ALG14: variants seen among roughly 807,000 people sequenced by gnomAD.
ALG14 encodes ALG14 UDP-N-acetylglucosaminyltransferase subunit, also known as UDP-N-acetylglucosamine transferase subunit ALG14.
ALG14 carries 17 observed loss-of-function variants against 22.8 expected under a neutral mutation model. The ratio of observed to expected loss-of-function variants is 0.75; its 90% CI spans 0.51 to 1.12. ALG14 has a LOEUF of 1.12. Among genes scored for constraint, ALG14 ranks in the 50% most tolerant of loss-of-function variants. ALG14 has a pLI of 0.00. For missense variants in ALG14, 288 were observed against 271.8 expected (o/e 1.06, Z -0.42); for synonymous variants, 89 against 103.7 (o/e 0.86, Z 0.86).
chr1:95,055,572 T>G (rs1028767942), intron 2 of ALG14, among the ~76,000 whole-genome samples: 2 of 152,084 alleles, frequency 1.3e-5, no homozygotes, highest in African/African-American at 4.8e-5. Context: ...TAGGAAGACA[T>G]CATCATATAG....
chr1:95,029,408 A>G (rs1434059881), intron 2 of ALG14, among the ~76,000 whole-genome samples: 1 of 152,190 alleles, frequency 6.6e-6, no homozygotes, highest in African/African-American at 2.4e-5. Flanking sequence ...GATATTTCTG[A>G]TATTTTGATA....
chr1:95,065,113 TG>T (rs1211071279), intron 1 of ALG14, 96 bp from the exon 2 acceptor site: 18 of 1,069,972 alleles, frequency 1.7e-5, no homozygotes, highest in Admixed American at 1.2e-4. Flanking sequence ...AGGTTGGGGG[TG>T]GGGGGGCACT....
rs766184799 is a variant in ALG14 at position 94,983,194 on chromosome 1, A to G, written c.533T>C (p.Val178Ala). 1.1e-5 allele frequency: 18 copies of G among 1,614,086 alleles called. No individual in the cohort carries two copies. The highest frequency in any genetic ancestry group is 1.4e-5 in the Non-Finnish European group (17 of 1,180,020). Residue 178 changes from valine to alanine, a missense_variant, in exon 4 of 4, where the codon GTA becomes GCA. Coordinates refer to ENST00000370205, the MANE Select transcript of ALG14 (RefSeq NM_144988.4). Reference protein sequence around the residue: ...IIVYVESICRVETLSMSGKIL... With the variant: ...IIVYVESICRAETLSMSGKIL... ...CTTTCCGGACATGGATAACGTTTCT[A>G]CACGGCAGATGCTTTCAACGTAGAC...
intron 3 of ALG14, among the ~76,000 whole-genome samples, chr1:95,007,939 G>C (rs773800695): frequency 1.3e-5 from 2 of 152,156 alleles, no homozygotes; most frequent in Non-Finnish European, 2.9e-5. Context: ...ATATTTGTCT[G>C]TTTTGTTAGC....
At position 95,027,224 on chromosome 1, in the gene ALG14, G is replaced by A. The variant is rs777101530; in HGVS notation, c.325C>T (p.Arg109Trp). 3.3e-5 allele frequency: 54 copies of A among 1,614,022 alleles called. No homozygotes were observed. The highest frequency in any genetic ancestry group is 3.0e-4 in the South Asian group (27 of 91,090). The change falls in exon 3 of 4, where the codon CGG (arginine) becomes TGG (tryptophan). Residue 109 changes from arginine (R) to tryptophan (W), a missense_variant. Transcript: ENST00000370205. Reference protein sequence around the residue: ...KYYIHRIPRSREVQQSWPSTV... With the variant: ...KYYIHRIPRSWEVQQSWPSTV... Reference sequence around the variant, plus strand: ...GAGGGCCAGGACTGCTGAACCTCCCGGCTTCTTGGAATTCGGTGAATGTAG... The same window carrying A: ...GAGGGCCAGGACTGCTGAACCTCCCAGCTTCTTGGAATTCGGTGAATGTAG...
intron 3 of ALG14, among the ~76,000 whole-genome samples, chr1:94,985,689 A>G (rs1170238285): frequency 2.6e-5 from 4 of 152,220 alleles, no homozygotes; most frequent in Non-Finnish European, 5.9e-5. Flanking sequence ...ACACAGCTAG[A>G]GATGTCTGTA....
intron 2 of ALG14, among the ~76,000 whole-genome samples, chr1:95,058,460 CA>C (rs987635800): frequency 6.2e-5 from 9 of 145,860 alleles, no homozygotes; most frequent in Non-Finnish European, 1.2e-4. Flanking sequence ...CTAATAATAC[CA>C]AAAAAATTAG....
intron 2 of ALG14, among the ~76,000 whole-genome samples, chr1:95,039,001 C>T (rs141464458): frequency 1.3e-5 from 2 of 152,258 alleles, no homozygotes; most frequent in African/African-American, 2.4e-5. Context: ...GGATTACAGG[C>T]GTGAGCCACC....
chr1:95,030,620 A>G (rs1673969602), intron 2 of ALG14, among the ~76,000 whole-genome samples: 2 of 152,230 alleles, frequency 1.3e-5, no homozygotes, highest in South Asian at 4.1e-4. Context: ...TTTCTGGATT[A>G]TATCCAGACA....
chr1:94,988,305 G>T (rs750487127), intron 3 of ALG14, among the ~76,000 whole-genome samples: 1 of 152,162 alleles, frequency 6.6e-6, no homozygotes, highest in Non-Finnish European at 1.5e-5. Context: ...TTTAAGAATG[G>T]TTAGACAAAG....
At chr1:95,058,284 GAA>G (rs56748968) in intron 2 of ALG14, among the ~76,000 whole-genome samples, 1,058 of 20,240 alleles carry the variant, frequency 0.052, no homozygotes, top group South Asian at 0.08. Flanking sequence ...GACTCCATCT[GAA>G]AAAAAAAAAA....
At chr1:95,072,628 G>T in intron 1 of ALG14, 135 bp downstream of exon 1, 1 of 1,326,634 alleles carries the variant, frequency 7.5e-7, no homozygotes, top group African/African-American at 1.5e-5. Context: ...CCCGGTTCCG[G>T]CAAGGCAGAG....
chr1:95,038,039 C>G lies in ALG14; in HGVS notation c.289-10779G>C, dbSNP rs768494231. Among the ~76,000 whole-genome samples, 127 of 152,172 alleles carry G rather than the reference C, an allele frequency of 8.3e-4. No homozygotes were observed. In the Middle Eastern group the frequency reaches 0.014, roughly 16 times the overall value. ...CAATTATTAAATATAATGTTAGCAC[C>G]AAGTAAGAAGTAATAAACTGGACCA... On this transcript the variant is annotated intron_variant, in intron 2 of 3. Transcript: ENST00000370205.
Position 94,983,100 on chromosome 1 carries a change from C to T in ALG14, c.627G>A (p.Ser209=), listed in dbSNP as rs770387900. Reference sequence around the variant, plus strand: ...GTCAAACAATTCGCCCAAGGTACACCGATTTGGGATACTTTTCTTTCAGAG... The same window carrying T: ...GTCAAACAATTCGCCCAAGGTACACTGATTTGGGATACTTTTCTTTCAGAG... The part of the protein sequence containing the change: ...WPALKEKYPK[S]VYLGRIV The change falls in exon 4 of 4, where the codon TCG becomes TCA. Residue 209 remains serine, a synonymous_variant. Transcript: ENST00000370205. 1.3e-5 allele frequency: 21 copies of T among 1,613,944 alleles called. No homozygotes were observed. The highest frequency in any genetic ancestry group is 1.4e-5 in the Non-Finnish European group (17 of 1,179,992).
intron 2 of ALG14, among the ~76,000 whole-genome samples, chr1:95,046,517 T>C (rs1023679687): frequency 6.6e-6 from 1 of 152,252 alleles, no homozygotes; most frequent in Middle Eastern, 3.2e-3. Flanking sequence ...CCGTCTTCCA[T>C]GAACCTGGTC....
intron 3 of ALG14, among the ~76,000 whole-genome samples, chr1:94,987,539 A>T (rs1332314317): frequency 6.6e-6 from 1 of 152,230 alleles, no homozygotes; most frequent in Admixed American, 6.5e-5. Flanking sequence ...AGCATAGATG[A>T]GCCAGATCAA....
At chr1:95,013,999 A>G (rs1253807880) in intron 3 of ALG14, among the ~76,000 whole-genome samples, 1 of 150,792 alleles carries the variant, frequency 6.6e-6, no homozygotes. Context: ...CAATTCCATT[A>G]TGAAGCAATG....
chr1:95,069,696 G>A (rs1042009240), intron 1 of ALG14, among the ~76,000 whole-genome samples: 3 of 152,016 alleles, frequency 2.0e-5, no homozygotes, highest in African/African-American at 7.3e-5. Context: ...CAAAATGAAG[G>A]CCTTAGAAGC....
intron 3 of ALG14, among the ~76,000 whole-genome samples, chr1:95,018,645 T>C (rs1019965852): frequency 4.2e-4 from 63 of 151,784 alleles, no homozygotes; most frequent in African/African-American, 1.5e-3. Context: ...GTTTGCCTTA[T>C]ATAAGCTGCA....
Sources: gnomAD v4.1 joint callset for allele counts (sites outside exome capture counted in the v4.1 genomes callset) on GRCh38, gnomAD v4.1.1 for gene constraint, MANE v1.5 for transcripts, NCBI Gene and HGNC (gene_info 2026-07-23, HGNC 2026-07-21) for gene names.